Variants in BRWD1 observed in about 807,000 individuals in gnomAD.
BRWD1 encodes bromodomain and WD repeat-containing protein 1.
Under a neutral mutation model 251.2 loss-of-function variants are expected in BRWD1, and 82 were observed. The ratio of observed to expected loss-of-function variants is 0.33; its 90% confidence interval spans 0.27 to 0.39. BRWD1 has a LOEUF of 0.39. Ranked by LOEUF, BRWD1 falls within the 10% of genes least tolerant of loss-of-function variation. The pLI is 1.00. For missense variants in BRWD1, 2,233 were observed against 2,711.6 expected (o/e 0.82, Z 3.92); for synonymous variants, 918 against 902.8 (o/e 1.02, Z -0.30).
intron 37 of BRWD1, among the ~76,000 whole-genome samples, chr21:39,204,385 T>C (rs2032288427): frequency 6.6e-6 from 1 of 151,790 alleles, no homozygotes; most frequent in East Asian, 1.9e-4. Context: ...AAACTAAACA[T>C]TGCACAACTC....
At chr21:39,259,415 C>A (rs138695084) in intron 17 of BRWD1, among the ~76,000 whole-genome samples, 1 of 152,104 alleles carries the variant, frequency 6.6e-6, no homozygotes, top group African/African-American at 2.4e-5. Flanking sequence ...CTCGGCCTCC[C>A]GACTAGCTGG....
chr21:39,294,217 G>A (rs1568963158), intron 7 of BRWD1, among the ~76,000 whole-genome samples, 185 bp from the exon 8 acceptor site: 2 of 152,104 alleles, frequency 1.3e-5, no homozygotes, highest in East Asian at 3.9e-4. Context: ...TTTCTTTAAG[G>A]CAAAGACAGT....
chr21:39,243,326 C>T (rs1490074891), intron 21 of BRWD1, among the ~76,000 whole-genome samples: 1 of 152,152 alleles, frequency 6.6e-6, no homozygotes, highest in East Asian at 1.9e-4. Context: ...ACAGACACAA[C>T]AAAATGTAAC....
At chr21:39,208,024 A>C (rs185099364) in intron 36 of BRWD1, among the ~76,000 whole-genome samples, 4 of 152,350 alleles carry the variant, frequency 2.6e-5, no homozygotes, top group Admixed American at 2.6e-4. Flanking sequence ...CTTGATGGTT[A>C]CAGAGCTTCT....
At chr21:39,213,633 A>G (rs2032758239) in intron 32 of BRWD1, 80 bp from the exon 33 acceptor site, 1 of 955,526 alleles carries the variant, frequency 1.0e-6, no homozygotes. Context: ...ATTAAAATAT[A>G]AACAGTTCAC....
intron 4 of BRWD1, among the ~76,000 whole-genome samples, chr21:39,307,256 T>C (rs2036316831): frequency 6.6e-6 from 1 of 152,212 alleles, no homozygotes; most frequent in South Asian, 2.1e-4. Flanking sequence ...GTTATTTTAA[T>C]CACCTCAGCA....
At chr21:39,310,099 C>A (rs1386778071) in intron 4 of BRWD1, among the ~76,000 whole-genome samples, 1 of 152,188 alleles carries the variant, frequency 6.6e-6, no homozygotes, top group African/African-American at 2.4e-5. Flanking sequence ...AAAATGGGCA[C>A]CTAGTGGGTG....
intron 34 of BRWD1, among the ~76,000 whole-genome samples, chr21:39,211,897 A>C (rs1356761683): frequency 6.6e-6 from 1 of 152,200 alleles, no homozygotes. Context: ...AAATGTCTTA[A>C]GCATTTTCAT....
In BRWD1 at chr21:39,313,496, G is replaced by C. The variant is rs550722526; in HGVS notation, c.-5C>G. 2.2e-6 allele frequency: 3 copies of C among 1,336,040 alleles called. No homozygotes were observed. The highest frequency in any genetic ancestry group is 5.4e-4 in the Middle Eastern group (2 of 3,714). 82.8% of individuals were successfully genotyped at this position (1,336,040 alleles called of 1,614,324 possible). On this transcript the variant is annotated 5_prime_UTR_variant, in exon 1 of 41. Transcript: ENST00000342449. ...GGCGGACGACGGCTCCGCCATGGCCGGGCGCGGGGCGGGAGGCGGGAGCGA... is the reference window on the plus strand; with the variant it reads ...GGCGGACGACGGCTCCGCCATGGCCCGGCGCGGGGCGGGAGGCGGGAGCGA...
At chr21:39,243,874 T>C (rs2034088281) in intron 21 of BRWD1, among the ~76,000 whole-genome samples, 1 of 152,190 alleles carries the variant, frequency 6.6e-6, no homozygotes, top group Non-Finnish European at 1.5e-5. Flanking sequence ...AGGAGAGTGA[T>C]AACAGTCAGG....
In BRWD1 at chr21:39,193,817, G is replaced by A; in HGVS notation, c.*2442C>T. ...AAAAAAAGGCCAAACATGTTCTAGT[G>A]CTCAATGTAAACATTTTAACTATTA... On this transcript the variant is annotated 3_prime_UTR_variant, in exon 41 of 41. Transcript: ENST00000342449. The A allele has an allele frequency of 1.0e-6, 1 of 985,312 alleles. No individual in the cohort carries two copies. The highest frequency in any genetic ancestry group is 1.2e-6 in the Non-Finnish European group (1 of 829,596). The allele number at this position is 985,312 out of a possible 1,614,324, so 61.0% of individuals were successfully genotyped here.
downstream of BRWD1, chr21:39,185,294 C>CGAAAAAAAAAAAAAAAAAA (rs2031152435): frequency 1.0e-4 from 1 of 9,846 alleles, no homozygotes; most frequent in Non-Finnish European, 2.0e-4. Flanking sequence ...ACTGAAATTG[C>CGAAAAAAAAAAAAAAAAAA]TAAAAAAAAA....
At chr21:39,197,627 C>T (rs1003873115) in intron 40 of BRWD1, among the ~76,000 whole-genome samples, 1 of 152,132 alleles carries the variant, frequency 6.6e-6, no homozygotes, top group African/African-American at 2.4e-5. Context: ...CTTAAGCAAA[C>T]ATCACAGAGT....
In BRWD1 at chr21:39,194,864, T is replaced by C; in HGVS notation, c.*1395A>G. ...ATACACAGGAGAAAAGGGTTAATTT[T>C]GTCTGAAATCAAACACAATTAGGGC... On this transcript the variant is annotated 3_prime_UTR_variant, in exon 41 of 41. Transcript: ENST00000342449. 6.5e-7 allele frequency: 1 copy of C among 1,532,752 alleles called. No individual in the cohort carries two copies. Among genetic ancestry groups the C allele is most frequent in the South Asian group, 1.2e-5 (1 of 83,910 alleles). 94.9% of individuals were successfully genotyped at this position (1,532,752 alleles called of 1,614,324 possible).
At chr21:39,281,751 C>T (rs372450050) in intron 8 of BRWD1, among the ~76,000 whole-genome samples, 79 of 152,092 alleles carry the variant, frequency 5.2e-4, no homozygotes, top group African/African-American at 1.9e-3. Flanking sequence ...GCCCATAATC[C>T]CAGCTACTCA....
chr21:39,232,028 G>T (rs1188925648), intron 25 of BRWD1, 149 bp downstream of exon 25: 2 of 745,198 alleles, frequency 2.7e-6, no homozygotes, highest in Admixed American at 6.0e-5. Context: ...ATTCCCACAG[G>T]ATCTTAAGGT....
intron 4 of BRWD1, among the ~76,000 whole-genome samples, chr21:39,309,639 AC>A (rs1188336392): frequency 6.6e-6 from 1 of 151,814 alleles, no homozygotes; most frequent in Admixed American, 6.6e-5. Flanking sequence ...CCTGGCTAAC[AC>A]AGTGAAACCC....
chr21:39,315,261 C>T (rs1042576594), upstream of BRWD1, among the ~76,000 whole-genome samples: 22 of 152,002 alleles, frequency 1.4e-4, no homozygotes, highest in African/African-American at 5.1e-4. Flanking sequence ...GCCTTGGCCT[C>T]CCGAAGTGCT....
rs766506347 is a variant in BRWD1 at position 39,295,891 on chromosome 21, C to T, written c.461G>A (p.Arg154Gln). Residue 154 changes from arginine to glutamine, a missense_variant, in exon 7 of 41, where the codon CGA (arginine) becomes CAA (glutamine). By Grantham distance (43) the Arg-to-Gln change is conservative (BLOSUM62 1). Transcript: ENST00000342449. Reference protein sequence around the residue: ...GSPPNLVEIHRGKQLTGCSTF... With the variant: ...GSPPNLVEIHQGKQLTGCSTF... ...GGAACACCCTGTGAGTTGTTTTCCTCGATGTATCTCCACTAGGAAATAAAA... is the reference window on the plus strand; with the variant it reads ...GGAACACCCTGTGAGTTGTTTTCCTTGATGTATCTCCACTAGGAAATAAAA... 2 of 1,594,740 alleles carry T rather than the reference C, an allele frequency of 1.3e-6. No individual in the cohort carries two copies. The highest frequency in any genetic ancestry group is 1.3e-5 in the African/African-American group (1 of 74,260).
Sources: gnomAD v4.1 joint callset for allele counts (sites outside exome capture counted in the v4.1 genomes callset) on GRCh38, gnomAD v4.1.1 for gene constraint, MANE v1.5 for transcripts, NCBI Gene and HGNC (gene_info 2026-07-23, HGNC 2026-07-21) for gene names.